The following ARHGAP26 variants were observed in gnomAD, a reference collection of about 807,000 sequenced individuals.
ARHGAP26 encodes rho GTPase-activating protein 26.
A neutral mutation model predicts 104.8 loss-of-function variants in ARHGAP26; 38 were observed. The observed-to-expected ratio is 0.36, with a 90% CI of 0.28 to 0.48. The LOEUF (loss-of-function observed/expected upper bound fraction) is 0.48, where lower values mean the gene tolerates loss of function less well. Among genes scored for constraint, ARHGAP26 ranks in the 20% least tolerant of loss-of-function variants. ARHGAP26 has a pLI of 0.99. For synonymous variants in ARHGAP26, 341 were observed against 340.0 expected, an observed-to-expected ratio of 1.00 and a Z score of -0.03; for missense variants, 704 against 947.9, an observed-to-expected ratio of 0.74 and a Z score of 3.38.
intron 20 of ARHGAP26, among the ~76,000 whole-genome samples, chr5:143,156,700 C>G (rs1016196508): frequency 1.3e-5 from 2 of 152,216 alleles, no homozygotes; most frequent in Non-Finnish European, 2.9e-5. Flanking sequence ...AGGGCCAAGC[C>G]TGTGTCATCA....
intron 11 of ARHGAP26, among the ~76,000 whole-genome samples, chr5:143,003,264 C>G (rs1239868313): frequency 6.6e-6 from 1 of 152,222 alleles, no homozygotes; most frequent in African/African-American, 2.4e-5. Context: ...CACCTTTTCT[C>G]TTGAAACTAT....
rs117223977 is a variant in ARHGAP26 at position 143,149,918 on chromosome 5, C to G, written c.1988+2537C>G. The stretch of plus-strand genomic sequence containing the variant: ...ATAATGACTGGGATATCATTATGAC[C>G]AGAGAGAAATCATAGTGAAAGAAAC... On this transcript the variant is annotated intron_variant, in intron 20 of 22. Transcript: ENST00000645722. 3.6e-3 allele frequency among the ~76,000 whole-genome samples: 548 copies of G among 152,184 alleles called. 15 individuals are homozygous for G. The highest frequency in any genetic ancestry group is 3.3e-3 in the East Asian group (17 of 5,182).
chr5:143,152,067 A>G (rs1380515141), intron 20 of ARHGAP26, among the ~76,000 whole-genome samples: 2 of 152,162 alleles, frequency 1.3e-5, no homozygotes, highest in East Asian at 3.8e-4. Flanking sequence ...ATTGCCAGGG[A>G]TTCTGGGGAG....
chr5:142,885,444 C>G (rs760294395), intron 5 of ARHGAP26, 45 bp downstream of exon 5: 1 of 1,528,236 alleles, frequency 6.5e-7, no homozygotes, highest in Non-Finnish European at 9.0e-7. Context: ...TCAATTTGTA[C>G]ATGATGCTGT....
intron 11 of ARHGAP26, among the ~76,000 whole-genome samples, chr5:142,936,569 C>CA (rs1765448964): frequency 6.6e-6 from 1 of 151,924 alleles, no homozygotes; most frequent in South Asian, 2.1e-4. Flanking sequence ...ATAGATAAAA[C>CA]AATTTTAAAA....
intron 1 of ARHGAP26, among the ~76,000 whole-genome samples, chr5:142,776,605 C>T (rs896244244): frequency 3.3e-5 from 5 of 152,174 alleles, no homozygotes; most frequent in Non-Finnish European, 7.3e-5. Flanking sequence ...AGAAAATATT[C>T]CATTTTGTAA....
intron 11 of ARHGAP26, among the ~76,000 whole-genome samples, chr5:143,008,901 G>A (rs1016947783): frequency 6.6e-6 from 1 of 152,166 alleles, no homozygotes; most frequent in African/African-American, 2.4e-5. Flanking sequence ...CATGTAAACT[G>A]AACTGGCTCA....
chr5:143,137,372 G>T (rs1476147113), intron 19 of ARHGAP26, among the ~76,000 whole-genome samples: 1 of 152,218 alleles, frequency 6.6e-6, no homozygotes, highest in Non-Finnish European at 1.5e-5. Flanking sequence ...TTGTCAGTGG[G>T]CTGTGGACAC....
chr5:142,853,900 A>G (rs896943833), intron 1 of ARHGAP26, among the ~76,000 whole-genome samples: 1 of 152,144 alleles, frequency 6.6e-6, no homozygotes, highest in Non-Finnish European at 1.5e-5. Flanking sequence ...CCCTTAGTAA[A>G]TGTTTAATAA....
intron 19 of ARHGAP26, among the ~76,000 whole-genome samples, chr5:143,139,031 T>C (rs1798216700): frequency 6.6e-6 from 1 of 152,172 alleles, no homozygotes; most frequent in African/African-American, 2.4e-5. Context: ...CGCGAACTCT[T>C]CCTTATCTCC....
At chr5:143,077,049 C>G (rs1013654028) in intron 17 of ARHGAP26, among the ~76,000 whole-genome samples, 1 of 152,218 alleles carries the variant, frequency 6.6e-6, no homozygotes. Context: ...ACATTATTCT[C>G]TGTCATGACT....
chr5:143,067,953 C>T (rs905361432), intron 17 of ARHGAP26, among the ~76,000 whole-genome samples: 3 of 152,106 alleles, frequency 2.0e-5, no homozygotes, highest in Middle Eastern at 3.2e-3. Flanking sequence ...CACTTGAGGC[C>T]GGGAGTTCGA....
At chr5:143,060,007 T>C (rs1786472572) in intron 17 of ARHGAP26, among the ~76,000 whole-genome samples, 1 of 152,236 alleles carries the variant, frequency 6.6e-6, no homozygotes, top group South Asian at 2.1e-4. Flanking sequence ...AAAAATTCTT[T>C]GGCATCCAGA....
intron 20 of ARHGAP26, chr5:143,168,941 A>T (rs143135516): frequency 1.3e-5 from 2 of 152,270 alleles, no homozygotes; most frequent in African/African-American, 4.8e-5. Context: ...TTTCATTTGG[A>T]TGGGTAGCAT....
At chr5:143,093,380 A>C in intron 17 of ARHGAP26, among the ~76,000 whole-genome samples, 1 of 152,194 alleles carries the variant, frequency 6.6e-6, no homozygotes, top group Non-Finnish European at 1.5e-5. Flanking sequence ...ACTGACAACA[A>C]GGTGGTATTG....
intron 20 of ARHGAP26, among the ~76,000 whole-genome samples, chr5:143,152,732 T>G: frequency 6.6e-6 from 1 of 152,238 alleles, no homozygotes; most frequent in East Asian, 1.9e-4. Flanking sequence ...GCTTTCTCTC[T>G]CATTCTCTTG....
At chr5:143,203,749 AG>A (rs1462289001) in intron 20 of ARHGAP26, 1 of 152,248 alleles carries the variant, frequency 6.6e-6, no homozygotes, top group Non-Finnish European at 1.5e-5. Context: ...GCCATAAAAA[AG>A]GATGACTTCA....
intron 1 of ARHGAP26, among the ~76,000 whole-genome samples, chr5:142,824,817 G>A (rs1189717104): frequency 6.6e-6 from 1 of 152,208 alleles, no homozygotes; most frequent in Non-Finnish European, 1.5e-5. Flanking sequence ...AGAGTGCCAC[G>A]GAAGGGGCTA....
chr5:142,861,529 C>T (rs1364571476), intron 1 of ARHGAP26, among the ~76,000 whole-genome samples: 1 of 151,992 alleles, frequency 6.6e-6, no homozygotes, highest in Admixed American at 6.5e-5. Flanking sequence ...CAGTTTTGAT[C>T]CTAATTATGC....
Sources: gnomAD v4.1 joint callset for allele counts (sites outside exome capture counted in the v4.1 genomes callset) on GRCh38, gnomAD v4.1.1 for gene constraint, MANE v1.5 for transcripts, NCBI Gene and HGNC (gene_info 2026-07-23, HGNC 2026-07-21) for gene names.